Variants in IFT172 observed in about 807,000 individuals in gnomAD.
IFT172 encodes the protein intraflagellar transport protein 172 homolog.
A neutral mutation model predicts 248.9 loss-of-function variants in IFT172; 164 were observed. The ratio of observed to expected loss-of-function variants is 0.66; its 90% confidence interval spans 0.58 to 0.75. The LOEUF (loss-of-function observed/expected upper bound fraction) is 0.75, where lower values mean the gene tolerates loss of function less well. Among genes scored for constraint, IFT172 ranks in the 30% least tolerant of loss-of-function variants. The probability of loss-of-function intolerance (pLI) is 0.00; values close to 1 mark genes in which losing one functional copy is unlikely to be tolerated. For missense variants in IFT172, 1,950 were observed against 2,192.4 expected, an observed-to-expected ratio of 0.89 and a Z score of 2.21; for synonymous variants, 729 against 791.6, an observed-to-expected ratio of 0.92 and a Z score of 1.33.
chr2:27,456,274 T>C (rs528876086), intron 30 of IFT172, among the ~76,000 whole-genome samples: 1 of 152,246 alleles, frequency 6.6e-6, no homozygotes, highest in Non-Finnish European at 1.5e-5. Flanking sequence ...GAGTAAGTTA[T>C]TGGTTTAGTG....
chr2:27,473,296 G>A (rs1667710988), intron 14 of IFT172, among the ~76,000 whole-genome samples: 1 of 148,764 alleles, frequency 6.7e-6, no homozygotes, highest in East Asian at 2.0e-4. Flanking sequence ...CGTGAACCCG[G>A]GAGGCAGAGC....
At position 27,471,089 on chromosome 2, in the gene IFT172, G is replaced by A; in HGVS notation, c.1531C>T (p.Leu511=). The A allele has an allele frequency of 1.2e-6, 2 of 1,606,070 alleles. No individual in the cohort carries two copies. Among genetic ancestry groups the A allele is most frequent in the African/African-American group, 2.7e-5 (2 of 74,598 alleles). ...TTAGAGCAGCTTTCAATATCATACA[G>A]ATGCAACTGAAGAAAGAAAAGGCAG... ...LFRDRKLRLH[L]YDIESCSKTM... Residue 511 remains leucine, a synonymous_variant, in exon 16 of 48, where the codon CTG becomes TTG. Coordinates refer to ENST00000260570, the MANE Select transcript of IFT172 (RefSeq NM_015662.3).
Position 27,447,822 on chromosome 2 carries a change from A to C in IFT172, c.4529T>G (p.Leu1510Arg). 2 of 1,612,218 alleles carry C rather than the reference A, an allele frequency of 1.2e-6. No individual in the cohort carries two copies. Among genetic ancestry groups the C allele is most frequent in the Non-Finnish European group, 1.7e-6 (2 of 1,178,162 alleles). The part of the protein sequence containing the change: ...YHSWADLRDV[L>R]FNLCENLVKS... ...CTTTCGCTTCCTCACCAGGTTGAAGAGGACATCTCGAAGATCAGCCCAGCT... is the reference window on the plus strand; with the variant it reads ...CTTTCGCTTCCTCACCAGGTTGAAGCGGACATCTCGAAGATCAGCCCAGCT... Residue 1510 changes from leucine (L) to arginine (R), a missense_variant, in exon 41 of 48, where the codon CTC becomes CGC. Transcript: ENST00000260570.
intron 33 of IFT172, 62 bp downstream of exon 33, chr2:27,453,920 G>A: frequency 1.3e-6 from 2 of 1,525,824 alleles, no homozygotes; most frequent in Non-Finnish European, 1.8e-6. Context: ...GGTCAGTGTG[G>A]CTCTCTGTGG....
chr2:27,456,616 T>C lies in IFT172; in HGVS notation c.3266A>G (p.His1089Arg), dbSNP rs1170913416. 6.2e-7 allele frequency: 1 copy of C among 1,614,102 alleles called. No homozygotes were observed. Among genetic ancestry groups the C allele is most frequent in the East Asian group, 2.2e-5 (1 of 44,884 alleles). The change falls in exon 30 of 48, where the codon CAC becomes CGC. Residue 1089 changes from histidine to arginine, a missense_variant. By Grantham distance (29) the His-to-Arg change is conservative (BLOSUM62 0). This residue lies in a region of IFT172 where 164 missense variants were observed against 239.3 expected (regional missense o/e 0.69). Coordinates refer to ENST00000260570, the MANE Select transcript of IFT172 (RefSeq NM_015662.3). The part of the protein sequence containing the change: ...RTQGGANAHK[H>R]VAYLWAKSLG... The stretch of plus-strand genomic sequence containing the variant: ...GCTCTTTGCCCACAGATAGGCCACG[T>C]GTTTGTGGGCATTAGCCCCTCCTTG...
Position 27,449,787 on chromosome 2 carries a change from T to TA in IFT172, c.4063dup (p.Tyr1355LeufsTer18). ...TTCCTTGACAAGGTCCAGATTCAGA[T>TA]AGAGCTCTGCAGCCTGCACAGTGGG... On this transcript the variant is annotated frameshift_variant, in exon 37 of 48. Coordinates refer to ENST00000260570, the MANE Select transcript of IFT172 (RefSeq NM_015662.3). LOFTEE classifies it high-confidence loss of function. 6.2e-7 allele frequency: 1 copy of TA among 1,613,076 alleles called. No individual in the cohort carries two copies. Among genetic ancestry groups the TA allele is most frequent in the Non-Finnish European group, 8.5e-7 (1 of 1,179,312 alleles).
chr2:27,471,252 T>C (rs748864669), intron 15 of IFT172, 157 bp from the exon 16 acceptor site: 4 of 643,344 alleles, frequency 6.2e-6, no homozygotes, highest in Non-Finnish European at 1.1e-5. Flanking sequence ...GCTGAGCTGG[T>C]ATATCCTAAC....
intron 35 of IFT172, among the ~76,000 whole-genome samples, chr2:27,450,949 C>T (rs1558359851): frequency 2.1e-5 from 3 of 145,266 alleles, no homozygotes; most frequent in Non-Finnish European, 1.5e-5. Flanking sequence ...TTATTTTTAC[C>T]TGTTTTTTTT....
intron 1 of IFT172, among the ~76,000 whole-genome samples, chr2:27,485,877 G>C (rs2148560776): frequency 6.6e-6 from 1 of 152,196 alleles, no homozygotes; most frequent in East Asian, 1.9e-4. Context: ...TATTGATCAA[G>C]GCACTTGGCC....
intron 10 of IFT172, 97 bp downstream of exon 10, chr2:27,479,412 A>C (rs1487736677): frequency 5.3e-6 from 4 of 759,092 alleles, no homozygotes; most frequent in South Asian, 4.3e-5. Flanking sequence ...GATGAAGATT[A>C]AATTTGAACT....
In IFT172 at chr2:27,454,476, G is replaced by T. The variant is rs1665988704; in HGVS notation, c.3466-58C>A. The T allele has an allele frequency of 3.1e-6, 5 of 1,612,848 alleles. No homozygotes were observed. The highest frequency in any genetic ancestry group is 1.7e-5 in the Admixed American group (1 of 60,014). ...AGAAGGAGACTGGCATCACAGGCAG[G>T]CATGAGACTGGGGGTCTGCACACCC... On this transcript the variant is annotated intron_variant, in intron 31 of 47. Coordinates refer to ENST00000260570, the MANE Select transcript of IFT172 (RefSeq NM_015662.3). The surrounding 1 kb of genome is among the most constrained non-coding windows in gnomAD (Gnocchi z 4.2).
At position 27,449,027 on chromosome 2, in the gene IFT172, T is replaced by C; in HGVS notation, c.4316A>G (p.Tyr1439Cys). ...KCIETATKQN[Y>C]KILHKYVALY... Reference sequence around the variant, plus strand: ...AGCCACATACTTGTGCAGAATCTTGTAGTTCTGTACAGGGGTGGAGGAAAA... The same window carrying C: ...AGCCACATACTTGTGCAGAATCTTGCAGTTCTGTACAGGGGTGGAGGAAAA... Residue 1439 changes from tyrosine (Y) to cysteine (C), a missense_variant, in exon 40 of 48, where the codon TAC (tyrosine) becomes TGC (cysteine). This residue lies in a region of IFT172 where 620 missense variants were observed against 699.0 expected (regional missense o/e 0.89). Transcript: ENST00000260570. The C allele has an allele frequency of 3.8e-6, 6 of 1,569,516 alleles. No homozygotes were observed. The highest frequency in any genetic ancestry group is 1.7e-5 in the Admixed American group (1 of 59,940).
At chr2:27,489,383 C>G (rs1386082311) in intron 1 of IFT172, among the ~76,000 whole-genome samples, 1 of 152,210 alleles carries the variant, frequency 6.6e-6, no homozygotes, top group Non-Finnish European at 1.5e-5. Flanking sequence ...CTACGAACCC[C>G]AGCATGGGGC....
chr2:27,472,443 G>C (rs1159712727), intron 14 of IFT172, 81 bp from the exon 15 acceptor site: 1 of 1,114,944 alleles, frequency 9.0e-7, no homozygotes, highest in Non-Finnish European at 1.3e-6. Context: ...ATTTTGCTAG[G>C]ATGCCTAGGA....
rs145847794 is a variant in IFT172, at chr2:27,478,106, G to C, written c.1056C>G (p.His352Gln). 7.6e-5 allele frequency: 123 copies of C among 1,614,138 alleles called. No individual in the cohort carries two copies. Among genetic ancestry groups the C allele is most frequent in the Admixed American group, 1.0e-4 (6 of 60,010 alleles). ...TCACCTCTTCCACCTCATAGCCATA[G>C]TGTGACTTGAGCACCACTCGGGTTC... ...SSGTRVVLKS[H>Q]YGYEVEEVKI... The change falls in exon 11 of 48, where the codon CAC becomes CAG. Residue 352 changes from histidine (H) to glutamine (Q), a missense_variant. His to Gln is a conservative substitution (Grantham distance 24, BLOSUM62 0). This residue lies in a region of IFT172 where 1,166 missense variants were observed against 1,254.1 expected (regional missense o/e 0.93). Transcript: ENST00000260570.
intron 18 of IFT172, among the ~76,000 whole-genome samples, chr2:27,464,601 A>G (rs1572773553): frequency 6.6e-6 from 1 of 152,224 alleles, no homozygotes; most frequent in African/African-American, 2.4e-5. Flanking sequence ...AAAAATAATA[A>G]AAGACATACT....
chr2:27,468,350 A>G (rs1667278942), intron 16 of IFT172, among the ~76,000 whole-genome samples: 1 of 150,976 alleles, frequency 6.6e-6, no homozygotes, highest in Admixed American at 6.6e-5. Context: ...CTCATGCCTC[A>G]GCCTCTCGAG....
rs534930023 is a variant in IFT172, at chr2:27,461,186, C to T, written c.2442+83G>A. 170 of 1,612,302 alleles carry T rather than the reference C, an allele frequency of 1.1e-4. 4 individuals carry two copies. The South Asian group carries it at 1.5e-3, about 14-fold the overall frequency. ...CAAGGGAACACCAGCAGTCAGGAAG[C>T]GCTCTGCACCCCAAGACTCCTCTGG... On this transcript the variant is annotated intron_variant, in intron 22 of 47. Transcript: ENST00000260570.
Position 27,447,512 on chromosome 2 carries a change from C to G in IFT172, c.4659+3G>C. ...AGTGTTCCTTCGACCCCCTACATCT[C>G]ACCAGCTGTTTGACACTCTGGGCTG... On this transcript the variant is annotated splice_donor_region_variant and intron_variant, in intron 42 of 47. Transcript: ENST00000260570. The G allele has an allele frequency of 6.2e-7, 1 of 1,613,890 alleles. No individual in the cohort carries two copies. The highest frequency in any genetic ancestry group is 1.1e-5 in the South Asian group (1 of 91,036).
Sources: gnomAD v4.1 joint callset for allele counts (sites outside exome capture counted in the v4.1 genomes callset) on GRCh38, gnomAD v4.1.1 for gene constraint, gnomAD v4.1.1 regional missense constraint, Gnocchi (gnomAD v3.1) non-coding constraint, MANE v1.5 for transcripts, NCBI Gene and HGNC (gene_info 2026-07-23, HGNC 2026-07-21) for gene names.